The following C10orf90 variants were observed in gnomAD, a reference collection of about 807,000 sequenced individuals.
The protein encoded by C10orf90 is chromosome 10 open reading frame 90.
In C10orf90, 56 loss-of-function variants were observed where a neutral mutation model predicts 62.5. The observed-to-expected ratio is 0.90, with a 90% CI of 0.72 to 1.12. C10orf90 has a LOEUF of 1.12. Ranked by LOEUF, C10orf90 falls within the 50% of genes most tolerant of loss-of-function variation. The pLI is 0.00. For missense variants in C10orf90, 970 were observed against 880.4 expected (o/e 1.10, Z -1.29); for synonymous variants, 386 against 340.4 (o/e 1.13, Z -1.47).
intron 2 of C10orf90, among the ~76,000 whole-genome samples, chr10:126,597,814 C>T (rs1350762447): frequency 1.3e-5 from 2 of 152,130 alleles, no homozygotes; most frequent in African/African-American, 2.4e-5. Flanking sequence ...GTCACTCAGG[C>T]CATAAGCAAT....
At chr10:126,631,884 A>C (rs1305688668) in intron 2 of C10orf90, among the ~76,000 whole-genome samples, 3 of 151,968 alleles carry the variant, frequency 2.0e-5, no homozygotes, top group Non-Finnish European at 4.4e-5. Context: ...GGACTAGGTC[A>C]CGGTAGGAGT....
intron 2 of C10orf90, among the ~76,000 whole-genome samples, chr10:126,567,857 G>A (rs1844424878): frequency 6.6e-6 from 1 of 152,162 alleles, no homozygotes; most frequent in Non-Finnish European, 1.5e-5. Context: ...GGCACCTTGA[G>A]AGGGAGGAGT....
At chr10:126,580,616 G>A (rs191924209) in intron 2 of C10orf90, among the ~76,000 whole-genome samples, 2,246 of 148,054 alleles carry the variant, frequency 0.015, 51 homozygotes, top group African/African-American at 0.054. Context: ...TTGTGCCACT[G>A]CACTCCAGCC....
chr10:126,502,761 T>A, intron 4 of C10orf90: 3 of 509,088 alleles, frequency 5.9e-6, no homozygotes, highest in South Asian at 4.6e-5. Context: ...GCTTGAGCAA[T>A]CTCTTTAACC....
intron 4 of C10orf90, among the ~76,000 whole-genome samples, chr10:126,501,083 T>A (rs1862353317): frequency 1.3e-5 from 2 of 152,220 alleles, no homozygotes; most frequent in African/African-American, 4.8e-5. Flanking sequence ...CTGTCAAGAA[T>A]GTCTCAGATA....
At chr10:126,556,338 G>A (rs941936028) in intron 2 of C10orf90, among the ~76,000 whole-genome samples, 1 of 152,144 alleles carries the variant, frequency 6.6e-6, no homozygotes, top group Non-Finnish European at 1.5e-5. Flanking sequence ...TGCAAAGGGC[G>A]CTCCCTTCTC....
intron 2 of C10orf90, among the ~76,000 whole-genome samples, chr10:126,602,423 G>T (rs1845215232): frequency 6.6e-6 from 1 of 152,120 alleles, no homozygotes; most frequent in South Asian, 2.1e-4. Flanking sequence ...ATATAGCAAG[G>T]GTAAGAAACC....
At chr10:126,506,719 T>C (rs986417123) in intron 3 of C10orf90, among the ~76,000 whole-genome samples, 2 of 152,206 alleles carry the variant, frequency 1.3e-5, no homozygotes, top group African/African-American at 4.8e-5. Context: ...CTGCTGGTCT[T>C]CTCAAGACAA....
rs1168803860 is a variant in C10orf90 at position 126,442,497 on chromosome 10, A to ATATATATATATATATATATATATG, written c.2189-12648_2189-12647insCATATATATATATATATATATATA. On this transcript the variant is annotated intron_variant, in intron 7 of 9. Coordinates refer to ENST00000488181, the MANE Select transcript of C10orf90 (RefSeq NM_001350921.2). ...ATATTTCATATATATATATATATAT[A>ATATATATATATATATATATATATG]TATATATATATCTGTTAAGTCCATT... is the stretch of plus-strand genomic sequence containing the variant. Among the ~76,000 whole-genome samples, 14 of 110,420 alleles carry ATATATATATATATATATATATATG rather than the reference A, an allele frequency of 1.3e-4. 1 individual carries two copies. The highest frequency in any genetic ancestry group is 4.7e-4 in the African/African-American group (13 of 27,402). The allele number at this position is 110,420 out of a possible 152,430, so 72.4% of individuals were successfully genotyped here.
chr10:126,528,498 C>A (rs889768298), intron 2 of C10orf90, among the ~76,000 whole-genome samples: 1 of 152,154 alleles, frequency 6.6e-6, no homozygotes, highest in Non-Finnish European at 1.5e-5. Context: ...AAGAATGCTT[C>A]TGAAGCGTGG....
Position 126,617,563 on chromosome 10 carries a change from C to T in C10orf90, c.313+29002G>A, listed in dbSNP as rs796744000. Among the ~76,000 whole-genome samples, 16 of 152,320 alleles carry T rather than the reference C, an allele frequency of 1.1e-4. 1 individual carries two copies. The highest frequency in any genetic ancestry group is 3.6e-4 in the African/African-American group (15 of 41,560). ...TACATATCACAGGTGAATGTTCAGTCTTTGGGTGTGGACACACACAGACAC... is the reference window on the plus strand; with the variant it reads ...TACATATCACAGGTGAATGTTCAGTTTTTGGGTGTGGACACACACAGACAC... On this transcript the variant is annotated intron_variant, in intron 2 of 9. Transcript: ENST00000488181.
intron 1 of C10orf90, among the ~76,000 whole-genome samples, chr10:126,647,839 C>T (rs1846202309): frequency 6.6e-6 from 1 of 152,216 alleles, no homozygotes; most frequent in African/African-American, 2.4e-5. Context: ...GCTCAGAAAG[C>T]TAAGCCTTCA....
At chr10:126,601,952 C>A (rs776284441) in intron 2 of C10orf90, among the ~76,000 whole-genome samples, 1 of 152,236 alleles carries the variant, frequency 6.6e-6, no homozygotes, top group Non-Finnish European at 1.5e-5. Context: ...CTAAATGCTG[C>A]GACTGTCCTA....
intron 2 of C10orf90, among the ~76,000 whole-genome samples, chr10:126,528,656 C>T (rs1864013846): frequency 6.6e-6 from 1 of 152,212 alleles, no homozygotes. Context: ...CCAAGCGAGT[C>T]ACTTACCTCC....
chr10:126,488,385 C>T (rs1193308441), intron 4 of C10orf90, among the ~76,000 whole-genome samples: 1 of 151,920 alleles, frequency 6.6e-6, no homozygotes, highest in African/African-American at 2.4e-5. Context: ...GAAATTATAG[C>T]TTCAAATTAG....
chr10:126,601,387 A>T (rs1845195188), intron 2 of C10orf90, among the ~76,000 whole-genome samples: 1 of 152,244 alleles, frequency 6.6e-6, no homozygotes, highest in African/African-American at 2.4e-5. Flanking sequence ...ATGTTAATTT[A>T]CTTAACTATA....
chr10:126,507,160 ATCC>A (rs769957931), intron 3 of C10orf90, among the ~76,000 whole-genome samples: 27 of 152,222 alleles, frequency 1.8e-4, no homozygotes, highest in Non-Finnish European at 2.9e-4. Context: ...GATTAAGACA[ATCC>A]TGGCTAACAC....
At chr10:126,543,968 G>C (rs1029075658) in intron 2 of C10orf90, among the ~76,000 whole-genome samples, 1 of 152,184 alleles carries the variant, frequency 6.6e-6, no homozygotes, top group Non-Finnish European at 1.5e-5. Flanking sequence ...AAGCTAGGTA[G>C]GACTAGGGCA....
intron 4 of C10orf90, among the ~76,000 whole-genome samples, chr10:126,475,564 T>C (rs191497736): frequency 6.6e-6 from 1 of 152,340 alleles, no homozygotes; most frequent in African/African-American, 2.4e-5. Flanking sequence ...AATTTGAACA[T>C]ATACTACATT....
Sources: gnomAD v4.1 joint callset for allele counts (sites outside exome capture counted in the v4.1 genomes callset) on GRCh38, gnomAD v4.1.1 for gene constraint, MANE v1.5 for transcripts, NCBI Gene and HGNC (gene_info 2026-07-23, HGNC 2026-07-21) for gene names.